Variants in BCO2 observed in about 807,000 individuals in gnomAD.
BCO2 encodes beta-carotene oxygenase 2.
In BCO2, 56 loss-of-function variants were observed where a neutral mutation model predicts 65.8. The ratio of observed to expected loss-of-function variants is 0.85; its 90% CI spans 0.69 to 1.06. The LOEUF (loss-of-function observed/expected upper bound fraction) is 1.06. BCO2 is among the 50% of genes least tolerant of loss of function. The pLI is 0.00. For synonymous variants in BCO2, 233 were observed against 242.3 expected (o/e 0.96, Z 0.36); for missense variants, 675 against 698.5 (o/e 0.97, Z 0.38).
At chr11:112,204,269 A>G (rs1867811902) in intron 8 of BCO2, among the ~76,000 whole-genome samples, 1 of 152,216 alleles carries the variant, frequency 6.6e-6, no homozygotes, top group African/African-American at 2.4e-5. Context: ...GTAATACTCC[A>G]TTGTGTGTAT....
At position 112,193,998 on chromosome 11, in the gene BCO2, A is replaced by G. The variant is rs1358368229; in HGVS notation, c.633+4A>G. 4 of 1,430,156 alleles carry G rather than the reference A, an allele frequency of 2.8e-6. No homozygotes were observed. Among genetic ancestry groups the G allele is most frequent in the South Asian group, 1.1e-5 (1 of 87,216 alleles). 88.6% of individuals were successfully genotyped at this position (1,430,156 alleles called of 1,614,324 possible). A position where few individuals can be genotyped will look rare whatever the true frequency, so the allele number is the denominator to read the frequency against. On this transcript the variant is annotated splice_donor_region_variant and intron_variant, in intron 4 of 11. Coordinates refer to ENST00000357685, the MANE Select transcript of BCO2 (RefSeq NM_031938.7). ...AACTCTGGAAAAAACAGAAAAGGTA[A>G]AGTACAGGTAAAAAAAAATGAATAA...
chr11:112,195,014 GTCTA>G (rs200332020), intron 5 of BCO2, among the ~76,000 whole-genome samples: 1 of 142,570 alleles, frequency 7.0e-6, no homozygotes, highest in Non-Finnish European at 1.6e-5. Context: ...GCAGTTTTTG[GTCTA>G]TCTATCTTAT....
chr11:112,194,734 GGGA>G lies in BCO2; in HGVS notation c.716_718del (p.Gly239_Asn240delinsAsp). 6.2e-7 allele frequency: 1 copy of G among 1,608,452 alleles called. No individual in the cohort carries two copies. Among genetic ancestry groups the G allele is most frequent in the East Asian group, 2.2e-5 (1 of 44,824 alleles). On this transcript the variant is annotated inframe_deletion, in exon 5 of 12. Transcript: ENST00000357685. Reference sequence around the variant, plus strand: ...CCTGGATGGAACAGCATACAATATGGGGAACTCCTTTGGGCCATATGGTAAAGT... The same window carrying G: ...CCTGGATGGAACAGCATACAATATGGACTCCTTTGGGCCATATGGTAAAGT...
In BCO2 at chr11:112,218,418, A is replaced by G; in HGVS notation, c.*544A>G. On this transcript the variant is annotated 3_prime_UTR_variant, in exon 12 of 12. Transcript: ENST00000357685. ...AGACTGCCCTCACTCATCATGGCCT[A>G]GCATGTGCAATTTGTGAAGCTGCCA... 1 of 198,808 alleles carries G rather than the reference A, an allele frequency of 5.0e-6. No homozygotes were observed. The highest frequency in any genetic ancestry group is 1.1e-5 in the Non-Finnish European group (1 of 91,126). The allele number at this position is 198,808 out of a possible 1,614,324, so 12.3% of individuals were successfully genotyped here.
intron 2 of BCO2, among the ~76,000 whole-genome samples, chr11:112,185,208 C>T (rs1867166434): frequency 6.6e-6 from 1 of 152,016 alleles, no homozygotes; most frequent in African/African-American, 2.4e-5. Context: ...TTAAAGGTAC[C>T]TCTGTAGAAA....
At chr11:112,196,611 A>G (rs1243804757) in intron 5 of BCO2, among the ~76,000 whole-genome samples, 2 of 152,186 alleles carry the variant, frequency 1.3e-5, no homozygotes, top group African/African-American at 4.8e-5. Context: ...TATTTCTTTC[A>G]TCACTGTACA....
At chr11:112,206,352 C>A (rs527911917) in intron 8 of BCO2, among the ~76,000 whole-genome samples, 1 of 140,244 alleles carries the variant, frequency 7.1e-6, no homozygotes, top group Non-Finnish European at 1.5e-5. Flanking sequence ...AGTTCCCAGA[C>A]GGTGGGCGGC....
chr11:112,210,780 ACACG>A lies in BCO2; in HGVS notation c.1195-2943_1195-2940del, dbSNP rs1408358745. Among the ~76,000 whole-genome samples, 8 of 132,204 alleles carry A rather than the reference ACACG, an allele frequency of 6.1e-5. No homozygotes were observed. The East Asian group carries it at 1.5e-3, about 25-fold the overall frequency. The allele number at this position is 132,204 out of a possible 152,430, so 86.7% of individuals were successfully genotyped here. ...CGCACACACACACACACACACACACACACGAATGCATGTTAAACTAGAATAAGGT... is the reference window on the plus strand; with the variant it reads ...CGCACACACACACACACACACACACAAATGCATGTTAAACTAGAATAAGGT... On this transcript the variant is annotated intron_variant, in intron 8 of 11. Coordinates refer to ENST00000357685, the MANE Select transcript of BCO2 (RefSeq NM_031938.7).
chr11:112,197,320 G>A lies in BCO2; in HGVS notation c.737-2379G>A, dbSNP rs904417980. 5.3e-5 allele frequency among the ~76,000 whole-genome samples: 8 copies of A among 152,136 alleles called. No homozygotes were observed. In the South Asian group the frequency reaches 6.2e-4, roughly 12 times the overall value. On this transcript the variant is annotated intron_variant, in intron 5 of 11. Coordinates refer to ENST00000357685, the MANE Select transcript of BCO2 (RefSeq NM_031938.7). The stretch of plus-strand genomic sequence containing the variant: ...TTCCAGCACTTTGGGAGGCCAAGGC[G>A]GGTGTATTGCTTGAGCTCACGAGTT...
intron 8 of BCO2, among the ~76,000 whole-genome samples, chr11:112,202,541 C>T (rs150103322): frequency 6.6e-6 from 1 of 152,204 alleles, no homozygotes; most frequent in African/African-American, 2.4e-5. Context: ...TTCAGCCTCC[C>T]AAAGTCTTGG....
intron 8 of BCO2, among the ~76,000 whole-genome samples, chr11:112,212,881 A>G (rs1859549226): frequency 1.3e-5 from 2 of 152,320 alleles, no homozygotes; most frequent in South Asian, 2.1e-4. Flanking sequence ...GGACTGGCAC[A>G]TGCAAGAACA....
At chr11:112,206,613 T>C (rs1859348871) in intron 8 of BCO2, among the ~76,000 whole-genome samples, 1 of 152,162 alleles carries the variant, frequency 6.6e-6, no homozygotes, top group African/African-American at 2.4e-5. Context: ...TTTAAAAATA[T>C]ACAAATTTTG....
At chr11:112,215,528 G>C (rs1355312622) in intron 10 of BCO2, 2 of 154,300 alleles carry the variant, frequency 1.3e-5, no homozygotes, top group Non-Finnish European at 2.9e-5. Context: ...GGCCAACACG[G>C]TGAAACCCTG....
chr11:112,179,814 A>G, intron 2 of BCO2: 2 of 296,106 alleles, frequency 6.8e-6, no homozygotes. Context: ...TCTCTCCCTC[A>G]CCCAGCACTT....
chr11:112,200,290 A>G, intron 6 of BCO2: 1 of 208,648 alleles, frequency 4.8e-6, no homozygotes, highest in East Asian at 1.3e-4. Context: ...GGATACATGT[A>G]AAGATCATAA....
At chr11:112,188,090 G>A (rs1412386641) in intron 2 of BCO2, among the ~76,000 whole-genome samples, 1 of 152,064 alleles carries the variant, frequency 6.6e-6, no homozygotes, top group Non-Finnish European at 1.5e-5. Context: ...CTCTAGACCT[G>A]TGTTTTGCCA....
At chr11:112,213,130 A>ATTTTTT (rs1859556014) in intron 8 of BCO2, among the ~76,000 whole-genome samples, 1 of 112,754 alleles carries the variant, frequency 8.9e-6, no homozygotes, top group African/African-American at 3.5e-5. Context: ...TAATTAAATA[A>ATTTTTT]CTTTTTTTTT....
At chr11:112,190,405 A>G (rs1329399720) in intron 2 of BCO2, among the ~76,000 whole-genome samples, 1 of 152,244 alleles carries the variant, frequency 6.6e-6, no homozygotes, top group Non-Finnish European at 1.5e-5. Context: ...ATTAATTTCA[A>G]GAATACAAGT....
At chr11:112,188,068 C>A (rs935468800) in intron 2 of BCO2, among the ~76,000 whole-genome samples, 1 of 152,104 alleles carries the variant, frequency 6.6e-6, no homozygotes, top group African/African-American at 2.4e-5. Flanking sequence ...CACCCCGCCC[C>A]CAGCTCTTGG....
Sources: gnomAD v4.1 joint callset for allele counts (sites outside exome capture counted in the v4.1 genomes callset) on GRCh38, gnomAD v4.1.1 for gene constraint, MANE v1.5 for transcripts, NCBI Gene and HGNC (gene_info 2026-07-23, HGNC 2026-07-21) for gene names.